Variants in EFCAB5 observed in about 807,000 individuals in gnomAD.
EFCAB5 encodes the protein EF-hand calcium-binding domain-containing protein 5.
EFCAB5 carries 131 observed loss-of-function variants against 167.9 expected under a neutral mutation model. That is an observed-to-expected ratio of 0.78 (90% CI 0.68 to 0.90). The LOEUF (loss-of-function observed/expected upper bound fraction) is 0.90. Among genes scored for constraint, EFCAB5 ranks in the 40% least tolerant of loss-of-function variants. The pLI, the probability that EFCAB5 is intolerant of heterozygous loss-of-function variation, is 0.00. For missense variants in EFCAB5, 1,663 were observed against 1,745.2 expected (o/e 0.95, Z 0.84); for synonymous variants, 574 against 602.8 (o/e 0.95, Z 0.70).
intron 22 of EFCAB5, among the ~76,000 whole-genome samples, chr17:30,096,983 TATATACATATACATATACATATAC>T (rs71138872): frequency 0.023 from 2,392 of 103,736 alleles, 59 homozygotes; most frequent in Middle Eastern, 0.04. Context: ...CGGTCACAAT[TATATACATATACATATACATATAC>T]ATATACATAT....
At chr17:29,950,112 C>T (rs931126461) in intron 3 of EFCAB5, among the ~76,000 whole-genome samples, 3 of 152,132 alleles carry the variant, frequency 2.0e-5, no homozygotes, top group African/African-American at 7.2e-5. Context: ...GATTTTCTTC[C>T]ACCTCTGCCA....
intron 3 of EFCAB5, among the ~76,000 whole-genome samples, chr17:29,946,718 G>A (rs1396015573): frequency 2.6e-5 from 4 of 151,970 alleles, no homozygotes; most frequent in African/African-American, 4.8e-5. Context: ...GATTACAGGC[G>A]TGAGCCACCA....
intron 4 of EFCAB5, among the ~76,000 whole-genome samples, chr17:29,990,065 C>G (rs1025236341): frequency 1.3e-5 from 2 of 152,104 alleles, no homozygotes; most frequent in Non-Finnish European, 2.9e-5. Context: ...TCTCTCCCCC[C>G]ACAATTTATA....
intron 5 of EFCAB5, among the ~76,000 whole-genome samples, chr17:29,994,574 T>C (rs770052485): frequency 4.6e-5 from 7 of 152,202 alleles, no homozygotes; most frequent in Admixed American, 3.3e-4. Flanking sequence ...TGTGGAAAAA[T>C]TGAATTAAAA....
intron 14 of EFCAB5, chr17:30,068,498 A>G (rs1462590238): frequency 1.9e-6 from 1 of 528,878 alleles, no homozygotes; most frequent in Non-Finnish European, 3.3e-6. Context: ...AATGAAGAGG[A>G]CACCAAAAAA....
chr17:30,024,925 C>A (rs1472784047), intron 7 of EFCAB5, among the ~76,000 whole-genome samples: 1 of 150,910 alleles, frequency 6.6e-6, no homozygotes, highest in Admixed American at 6.6e-5. Flanking sequence ...GAAAAACAAG[C>A]AATGGGGAAA....
rs116156898 is a variant in EFCAB5, at chr17:30,107,690, G to A, written c.4322-144G>A. On this transcript the variant is annotated intron_variant, in intron 22 of 22. Transcript: ENST00000394835. ...TATACCAAAATTTATCCATATTCCT[G>A]TAATTACATATTTACACAAGATTCT... 1,248 of 648,066 alleles carry A rather than the reference G, an allele frequency of 1.9e-3. 9 individuals carry two copies. The African/African-American group carries it at 0.022, about 11-fold the overall frequency. The allele number at this position is 648,066 out of a possible 1,614,324, so 40.1% of individuals were successfully genotyped here.
intron 7 of EFCAB5, among the ~76,000 whole-genome samples, chr17:30,021,164 A>C (rs1430099480): frequency 6.6e-6 from 1 of 151,428 alleles, no homozygotes; most frequent in Non-Finnish European, 1.5e-5. Flanking sequence ...GGATGTGAGG[A>C]ATATGACTGG....
intron 5 of EFCAB5, among the ~76,000 whole-genome samples, chr17:29,994,820 C>T (rs894184106): frequency 6.6e-6 from 1 of 152,102 alleles, no homozygotes; most frequent in African/African-American, 2.4e-5. Flanking sequence ...AAAAGAGGCT[C>T]CATCAAGTTT....
chr17:30,104,966 T>C (rs548920348), intron 22 of EFCAB5, among the ~76,000 whole-genome samples: 1 of 152,052 alleles, frequency 6.6e-6, no homozygotes, highest in South Asian at 2.1e-4. Flanking sequence ...TCTGCTCACG[T>C]GGATGTTCAG....
rs200031942 is a variant in EFCAB5 at position 30,008,154 on chromosome 17, GGATGAAAAAA to G, written c.1044+8187_1044+8196del. ...TATAAGCTAAACATCTAATATAAAA[GGATGAAAAAA>G]GATGAAAATAAGAAAATTGTTAAAG... On this transcript the variant is annotated intron_variant, in intron 7 of 22. Transcript: ENST00000394835. 7.7e-3 allele frequency among the ~76,000 whole-genome samples: 1,175 copies of G among 151,674 alleles called. 11 individuals carry two copies. The highest frequency in any genetic ancestry group is 0.023 in the African/African-American group (970 of 41,364).
intron 6 of EFCAB5, among the ~76,000 whole-genome samples, chr17:29,997,936 GAA>G (rs112937585): frequency 3.0e-5 from 4 of 131,908 alleles, no homozygotes; most frequent in African/African-American, 5.5e-5. Context: ...AAATTAGGTG[GAA>G]AAAAAAAAAA....
At chr17:30,015,687 A>G (rs1265346077) in intron 7 of EFCAB5, among the ~76,000 whole-genome samples, 1 of 151,578 alleles carries the variant, frequency 6.6e-6, no homozygotes, top group Non-Finnish European at 1.5e-5. Context: ...GTGCTTTTGA[A>G]ATGCATTTCC....
At chr17:29,963,107 A>G (rs1174491348) in intron 3 of EFCAB5, among the ~76,000 whole-genome samples, 1 of 151,844 alleles carries the variant, frequency 6.6e-6, no homozygotes, top group Non-Finnish European at 1.5e-5. Context: ...ACACCCAGCT[A>G]ATTCTTAAAT....
chr17:30,092,117 A>G lies in EFCAB5; in HGVS notation c.4184A>G (p.Glu1395Gly), dbSNP rs1406163548. 2.5e-6 allele frequency: 4 copies of G among 1,613,708 alleles called. No individual in the cohort carries two copies. In the East Asian group the frequency reaches 8.9e-5, roughly 36 times the overall value. Residue 1395 changes from glutamate to glycine, a missense_variant, in exon 21 of 23, where the codon GAA becomes GGA. Glu to Gly is a moderately conservative substitution (Grantham distance 98). Coordinates refer to ENST00000394835, the MANE Select transcript of EFCAB5 (RefSeq NM_198529.4). ...AVILFFHPEL[E>G]FSSDFGSWDK... ...ATCTTGTTCTTTCATCCAGAGTTGG[A>G]ATTTTCAAGTGACTTTGGAAGTTGG...
At chr17:29,968,659 T>C (rs2067883605) in intron 3 of EFCAB5, 132 bp from the exon 4 acceptor site, 2 of 720,404 alleles carry the variant, frequency 2.8e-6, no homozygotes, top group Admixed American at 7.2e-5. Context: ...TGATTTTCTG[T>C]TATTTTCAGC....
chr17:30,010,281 C>T (rs2068868428), intron 7 of EFCAB5, among the ~76,000 whole-genome samples: 1 of 152,132 alleles, frequency 6.6e-6, no homozygotes, highest in Non-Finnish European at 1.5e-5. Context: ...GTGCATGTGT[C>T]TTTATAGTAG....
chr17:30,068,587 G>A, intron 14 of EFCAB5: 1 of 1,172,136 alleles, frequency 8.5e-7, no homozygotes, highest in Non-Finnish European at 1.2e-6. Flanking sequence ...ACCAGCTGCT[G>A]ACATGGGCAG....
chr17:30,078,774 TAA>T (rs1170400137), intron 15 of EFCAB5, among the ~76,000 whole-genome samples: 3 of 152,174 alleles, frequency 2.0e-5, no homozygotes, highest in Non-Finnish European at 2.9e-5. Flanking sequence ...TCATTTCTGC[TAA>T]GAGTCAAATA....
Sources: gnomAD v4.1 joint callset for allele counts (sites outside exome capture counted in the v4.1 genomes callset) on GRCh38, gnomAD v4.1.1 for gene constraint, MANE v1.5 for transcripts, NCBI Gene and HGNC (gene_info 2026-07-23, HGNC 2026-07-21) for gene names.